The following FBLN2 variants were observed in gnomAD, a reference collection of about 807,000 sequenced individuals.
The protein encoded by FBLN2 is fibulin 2.
A neutral mutation model predicts 123.7 loss-of-function variants in FBLN2; 81 were observed. The ratio of observed to expected loss-of-function variants is 0.65; its 90% CI spans 0.55 to 0.79. The LOEUF is 0.79. Ranked by LOEUF, FBLN2 falls within the 30% of genes least tolerant of loss-of-function variation. FBLN2 has a pLI of 0.00. For missense variants in FBLN2, 1,603 were observed against 1,681.3 expected, an observed-to-expected ratio of 0.95 and a Z score of 0.81; for synonymous variants, 699 against 701.4, an observed-to-expected ratio of 1.00 and a Z score of 0.05.
At position 13,619,842 on chromosome 3, in the gene FBLN2, T is replaced by TG. The variant is rs1276885355; in HGVS notation, c.2155+15dup. The TG allele has an allele frequency of 8.1e-6, 13 of 1,605,810 alleles. No homozygotes were observed. The highest frequency in any genetic ancestry group is 1.1e-5 in the South Asian group (1 of 89,590). ...GCGTGTCCTGTGAAGGTGAGTGCCT[T>TG]GGGGTGCCCTCCTACCTGTGCAAAC... On this transcript the variant is annotated intron_variant, in intron 8 of 17. Coordinates refer to ENST00000404922, the MANE Select transcript of FBLN2 (RefSeq NM_001004019.2).
chr3:13,617,869 T>C (rs1705689476), intron 5 of FBLN2, among the ~76,000 whole-genome samples: 1 of 142,598 alleles, frequency 7.0e-6, no homozygotes, highest in Admixed American at 6.9e-5. Context: ...CGTCTATCTA[T>C]TTACCTGCCC....
chr3:13,608,668 C>T (rs1302236421), intron 3 of FBLN2, among the ~76,000 whole-genome samples: 1 of 152,204 alleles, frequency 6.6e-6, no homozygotes, highest in African/African-American at 2.4e-5. Flanking sequence ...AATCCTTTAT[C>T]CCCATGCCTT....
intron 2 of FBLN2, among the ~76,000 whole-genome samples, chr3:13,586,349 T>C (rs1278447823): frequency 6.6e-6 from 1 of 151,552 alleles, no homozygotes; most frequent in South Asian, 2.1e-4. Context: ...CACGCCAGGC[T>C]AATTTTTGTA....
chr3:13,591,001 T>C (rs558543492), intron 2 of FBLN2, among the ~76,000 whole-genome samples: 2 of 152,358 alleles, frequency 1.3e-5, no homozygotes, highest in South Asian at 2.1e-4. Flanking sequence ...CCAAAGTACA[T>C]TGCCAATTTG....
rs757534373 is a variant in FBLN2, at chr3:13,637,609, C to T, written c.3386C>T (p.Ser1129Leu). The stretch of plus-strand genomic sequence containing the variant: ...CATGACTTCCTGGAGTGCCAGAACT[C>T]GCCAGCGCGCATCACGCACTACCAG... ...TCHDFLECQN[S>L]PARITHYQLN... is the part of the protein sequence containing the mutation. The change falls in exon 18 of 18, where the codon TCG becomes TTG. Residue 1129 changes from serine (S) to leucine (L), a missense_variant. Transcript: ENST00000404922. 2.3e-4 allele frequency: 374 copies of T among 1,613,498 alleles called. No homozygotes were observed. Among genetic ancestry groups the T allele is most frequent in the Non-Finnish European group, 3.0e-4 (351 of 1,179,706 alleles).
At chr3:13,610,516 G>A (rs576203748) in intron 4 of FBLN2, among the ~76,000 whole-genome samples, 2 of 152,294 alleles carry the variant, frequency 1.3e-5, no homozygotes, top group East Asian at 1.9e-4. Flanking sequence ...TGGTCTGGCA[G>A]CAGTAGAGAC....
chr3:13,578,658 G>A (rs1230023225), intron 2 of FBLN2, among the ~76,000 whole-genome samples: 4 of 3,266 alleles, frequency 1.2e-3, no homozygotes, highest in Non-Finnish European at 1.6e-3. Flanking sequence ...ATATTCATGT[G>A]TAAGTTTATT....
intron 2 of FBLN2, among the ~76,000 whole-genome samples, chr3:13,596,770 G>T (rs1704855631): frequency 6.6e-6 from 1 of 150,830 alleles, no homozygotes; most frequent in Non-Finnish European, 1.5e-5. Flanking sequence ...TCTATGAATT[G>T]ACTACTCTAA....
At chr3:13,607,241 C>G (rs958336779) in intron 2 of FBLN2, among the ~76,000 whole-genome samples, 1 of 152,174 alleles carries the variant, frequency 6.6e-6, no homozygotes, top group South Asian at 2.1e-4. Context: ...CCGCCTCAGC[C>G]TCTCAAAGTG....
chr3:13,564,833 A>C (rs1703698465), intron 1 of FBLN2, among the ~76,000 whole-genome samples: 1 of 152,180 alleles, frequency 6.6e-6, no homozygotes, highest in Non-Finnish European at 1.5e-5. Flanking sequence ...GTGAAGGTTA[A>C]TTTATCAAAG....
intron 9 of FBLN2, among the ~76,000 whole-genome samples, chr3:13,625,878 C>T (rs1706019091): frequency 6.6e-6 from 1 of 151,666 alleles, no homozygotes. Context: ...CCCTCCCCTG[C>T]AGCACACCCA....
At chr3:13,578,228 A>G (rs1013747824) in intron 2 of FBLN2, among the ~76,000 whole-genome samples, 1 of 152,230 alleles carries the variant, frequency 6.6e-6, no homozygotes, top group Admixed American at 6.5e-5. Context: ...TAAAGTCCCC[A>G]CTTTGAGGGA....
intron 4 of FBLN2, among the ~76,000 whole-genome samples, chr3:13,612,263 C>G (rs909529146): frequency 6.8e-6 from 1 of 146,460 alleles, no homozygotes; most frequent in Non-Finnish European, 1.5e-5. Flanking sequence ...TTTCTTTTTT[C>G]TTTTATTTTC....
chr3:13,637,087 C>T (rs1706499910), intron 17 of FBLN2, among the ~76,000 whole-genome samples: 1 of 152,180 alleles, frequency 6.6e-6, no homozygotes, highest in Admixed American at 6.5e-5. Context: ...ATCAGAAGTG[C>T]CAGCGGCAGC....
At chr3:13,631,691 G>A (rs950764238) in intron 16 of FBLN2, among the ~76,000 whole-genome samples, 2 of 152,214 alleles carry the variant, frequency 1.3e-5, no homozygotes, top group African/African-American at 4.8e-5. Flanking sequence ...CTTGTGCTCA[G>A]CTCTGGACCC....
intron 2 of FBLN2, among the ~76,000 whole-genome samples, chr3:13,579,336 C>T (rs951760239): frequency 1.3e-5 from 2 of 152,168 alleles, no homozygotes; most frequent in Non-Finnish European, 2.9e-5. Context: ...CATGTAGTCT[C>T]CAGAGAAGTC....
chr3:13,619,927 A>C, intron 8 of FBLN2, 96 bp downstream of exon 8: 1 of 900,872 alleles, frequency 1.1e-6, no homozygotes, highest in Non-Finnish European at 1.7e-6. Context: ...AAACTTGCTG[A>C]GTTTGTGCAG....
intron 11 of FBLN2, among the ~76,000 whole-genome samples, chr3:13,628,544 G>C (rs1706129858): frequency 6.6e-6 from 1 of 152,196 alleles, no homozygotes; most frequent in Admixed American, 6.5e-5. Flanking sequence ...TTCCAAAAAA[G>C]GGTTTGCTTA....
chr3:13,591,069 C>T (rs1372926578), intron 2 of FBLN2, among the ~76,000 whole-genome samples: 2 of 152,314 alleles, frequency 1.3e-5, no homozygotes, highest in Non-Finnish European at 2.9e-5. Flanking sequence ...CCAACTCTGG[C>T]GGTTGCCATT....
Sources: gnomAD v4.1 joint callset for allele counts (sites outside exome capture counted in the v4.1 genomes callset) on GRCh38, gnomAD v4.1.1 for gene constraint, MANE v1.5 for transcripts, NCBI Gene and HGNC (gene_info 2026-07-23, HGNC 2026-07-21) for gene names.